The following SPMIP3 variants were observed in gnomAD, a reference collection of about 807,000 sequenced individuals.
SPMIP3 encodes the protein sperm microtubule inner protein 3.
At chr1:244,357,228 T>TTACTTTCTAATGAGGGCAGGA in the SPMIP3 span, among the ~76,000 whole-genome samples, 27 of 151,544 alleles carry the variant, frequency 1.8e-4, no homozygotes, top group Non-Finnish European at 4.0e-4. Flanking sequence ...ACCATGGAGA[T>TTACTTTCTAATGAGGGCAGGA]TGAAACAAAT....
chr1:244,369,710 G>A, the SPMIP3 span, among the ~76,000 whole-genome samples: 4 of 152,290 alleles, frequency 2.6e-5, no homozygotes, highest in South Asian at 6.2e-4. Context: ...TTTGCATAAC[G>A]TGAGAAGAAC....
the SPMIP3 span, among the ~76,000 whole-genome samples, chr1:244,353,985 A>AG: frequency 1.3e-5 from 2 of 152,142 alleles, no homozygotes; most frequent in Non-Finnish European, 2.9e-5. Flanking sequence ...TCAGATCACT[A>AG]GGGCACGACT....
At chr1:244,363,198 G>C in the SPMIP3 span, among the ~76,000 whole-genome samples, 1 of 152,078 alleles carries the variant, frequency 6.6e-6, no homozygotes, top group African/African-American at 2.4e-5. Flanking sequence ...CTGAGGTCAG[G>C]AGTACAAGAC....
chr1:244,361,043 G>A, the SPMIP3 span, among the ~76,000 whole-genome samples: 107,716 of 151,618 alleles, frequency 0.71, 38,813 homozygotes, highest in South Asian at 0.8. Flanking sequence ...CGAAGAAAAG[G>A]AATTGAACTT....
chr1:244,383,221 A>C, the SPMIP3 span, among the ~76,000 whole-genome samples: 2 of 152,158 alleles, frequency 1.3e-5, no homozygotes, highest in Non-Finnish European at 2.9e-5. Context: ...TTCTACACTC[A>C]ATAACCATGG....
At chr1:244,369,880 T>G in the SPMIP3 span, among the ~76,000 whole-genome samples, 1 of 152,152 alleles carries the variant, frequency 6.6e-6, no homozygotes, top group Admixed American at 6.6e-5. Flanking sequence ...TTGCCTGTTT[T>G]TGTTTGTACT....
At chr1:244,360,067 C>T in the SPMIP3 span, among the ~76,000 whole-genome samples, 1 of 151,382 alleles carries the variant, frequency 6.6e-6, no homozygotes, top group African/African-American at 2.4e-5. Flanking sequence ...CAACATCGCA[C>T]CACTGCACTC....
At chr1:244,383,891 C>A in the SPMIP3 span, among the ~76,000 whole-genome samples, 1 of 152,038 alleles carries the variant, frequency 6.6e-6, no homozygotes, top group Non-Finnish European at 1.5e-5. Context: ...TAATGGGAAA[C>A]TGTTGAAAAG....
chr1:244,373,417 C>A, the SPMIP3 span, among the ~76,000 whole-genome samples: 1 of 145,818 alleles, frequency 6.9e-6, no homozygotes, highest in South Asian at 2.2e-4. Flanking sequence ...ACAGGAGGAT[C>A]TCTGGATCCC....
the SPMIP3 span, among the ~76,000 whole-genome samples, chr1:244,354,154 C>A: frequency 6.7e-6 from 1 of 148,398 alleles, no homozygotes; most frequent in African/African-American, 2.5e-5. Flanking sequence ...CATTGACTCA[C>A]TGAATTTTCC....
the SPMIP3 span, among the ~76,000 whole-genome samples, chr1:244,374,380 G>A: frequency 6.6e-6 from 1 of 151,950 alleles, no homozygotes; most frequent in African/African-American, 2.4e-5. Context: ...AGCGCCTTGT[G>A]CTTTGACATC....
the SPMIP3 span, among the ~76,000 whole-genome samples, chr1:244,379,073 C>A: frequency 3.9e-5 from 6 of 151,924 alleles, no homozygotes; most frequent in Non-Finnish European, 7.4e-5. Flanking sequence ...GGACTACAGG[C>A]GCCGCCACCA....
At chr1:244,380,003 A>G in the SPMIP3 span, among the ~76,000 whole-genome samples, 36,275 of 151,598 alleles carry the variant, frequency 0.24, 5,272 homozygotes, top group Admixed American at 0.33. Flanking sequence ...AGGCTCCCCG[A>G]CGTATAGGAC....
the SPMIP3 span, chr1:244,388,997 T>G: frequency 1.2e-6 from 2 of 1,613,956 alleles, no homozygotes; most frequent in Non-Finnish European, 1.7e-6. Flanking sequence ...CTCGACCGCT[T>G]AATTCACTGC....
At chr1:244,360,883 C>CAAAAA in the SPMIP3 span, among the ~76,000 whole-genome samples, 1 of 138,052 alleles carries the variant, frequency 7.2e-6, no homozygotes, top group African/African-American at 2.7e-5. Flanking sequence ...GACTCCGTCT[C>CAAAAA]AAAAAAAAAA....
At chr1:244,355,863 T>C in the SPMIP3 span, among the ~76,000 whole-genome samples, 1 of 152,246 alleles carries the variant, frequency 6.6e-6, no homozygotes, top group Non-Finnish European at 1.5e-5. Context: ...TTTTATAGTT[T>C]TCAGCATACA....
chr1:244,372,678 T>G, the SPMIP3 span, among the ~76,000 whole-genome samples: 1 of 151,964 alleles, frequency 6.6e-6, no homozygotes, highest in African/African-American at 2.4e-5. Flanking sequence ...CTCCTGACCT[T>G]GCGATCCGCC....
chr1:244,378,919 T>TATCTATTTATTTA, the SPMIP3 span, among the ~76,000 whole-genome samples: 14 of 151,816 alleles, frequency 9.2e-5, no homozygotes, highest in African/African-American at 3.1e-4. Context: ...TTCTTTTATC[T>TATCTATTTATTTA]TTTATTTATT....
the SPMIP3 span, among the ~76,000 whole-genome samples, chr1:244,353,901 A>G: frequency 3.9e-5 from 6 of 152,166 alleles, no homozygotes; most frequent in Non-Finnish European, 7.3e-5. Flanking sequence ...CAGCTAGTAC[A>G]GTCACCATGC....
Sources: allele counts gnomAD v4.1 joint callset (sites outside exome capture counted in the v4.1 genomes callset), GRCh38; gene constraint gnomAD v4.1.1; transcripts MANE v1.5; gene names NCBI Gene and HGNC (gene_info 2026-07-23, HGNC 2026-07-21).